The following CCDC88C variants were observed in gnomAD, a reference collection of about 807,000 sequenced individuals.
CCDC88C encodes the protein coiled-coil and HOOK domain protein 88C, also known as protein Daple.
CCDC88C carries 131 observed loss-of-function variants against 198.8 expected under a neutral mutation model. The observed-to-expected ratio is 0.66, with a 90% confidence interval of 0.57 to 0.76. The LOEUF (loss-of-function observed/expected upper bound fraction) is 0.76, where lower values mean the gene tolerates loss of function less well. Among genes scored for constraint, CCDC88C ranks in the 30% least tolerant of loss-of-function variants. CCDC88C has a pLI of 0.00. For missense variants in CCDC88C, 2,553 were observed against 2,631.6 expected (o/e 0.97, Z 0.65); for synonymous variants, 1,166 against 1,114.7 (o/e 1.05, Z -0.92).
chr14:91,389,480 G>A (rs577149341), intron 3 of CCDC88C, among the ~76,000 whole-genome samples: 1 of 152,282 alleles, frequency 6.6e-6, no homozygotes, highest in Admixed American at 6.5e-5. Context: ...CTTCTAAAAA[G>A]CTTTGCTATC....
chr14:91,308,177 T>C (rs1891642679), intron 17 of CCDC88C, among the ~76,000 whole-genome samples, 174 bp downstream of exon 17: 1 of 152,152 alleles, frequency 6.6e-6, no homozygotes, highest in East Asian at 1.9e-4. Flanking sequence ...CTGGTTCTGT[T>C]TGGCCCTAGT....
rs762314154 is a variant in CCDC88C at position 91,284,543 on chromosome 14, G to C, written c.4442-1026C>G. On this transcript the variant is annotated intron_variant, in intron 25 of 29. Transcript: ENST00000389857. The surrounding 1 kb of genome is among the most constrained non-coding windows in gnomAD (Gnocchi z 4.1). ...ATCCACAGGGGAGGCAGAGATGAGTGAACAGTTAGCATGAGCAGCGAACAG... is the reference window on the plus strand; with the variant it reads ...ATCCACAGGGGAGGCAGAGATGAGTCAACAGTTAGCATGAGCAGCGAACAG... Among the ~76,000 whole-genome samples, 4 of 152,192 alleles carry C rather than the reference G, an allele frequency of 2.6e-5. No homozygotes were observed. The highest frequency in any genetic ancestry group is 4.4e-5 in the Non-Finnish European group (3 of 68,044).
At chr14:91,366,583 A>C (rs1172727653) in intron 3 of CCDC88C, among the ~76,000 whole-genome samples, 2 of 152,246 alleles carry the variant, frequency 1.3e-5, no homozygotes, top group African/African-American at 4.8e-5. Context: ...CCTCTGAGAC[A>C]ATTCACCAAC....
chr14:91,313,958 A>C lies in CCDC88C; in HGVS notation c.1858T>G (p.Leu620Val). 1 of 1,613,244 alleles carries C rather than the reference A, an allele frequency of 6.2e-7. No homozygotes were observed. Among genetic ancestry groups the C allele is most frequent in the Non-Finnish European group, 8.5e-7 (1 of 1,179,754 alleles). Residue 620 changes from leucine to valine, a missense_variant, in exon 15 of 30, where the codon TTG becomes GTG. Leu to Val is a conservative substitution (Grantham distance 32). This residue lies in a region of CCDC88C where 1,260 missense variants were observed against 1,412.0 expected (regional missense o/e 0.89). Coordinates refer to ENST00000389857, the MANE Select transcript of CCDC88C (RefSeq NM_001080414.4). This position sits in a 1 kb window ranked among gnomAD's most constrained non-coding sequence, Gnocchi z 5.2. The stretch of plus-strand genomic sequence containing the variant: ...TCCCCCTTCTCCTTGGCCTGCTCCA[A>C]GTCCCTGTGCAGCTGCCGCTTCTCA... ...EFEKRQLHRD[L>V]EQAKEKGERA... is the part of the protein sequence containing the mutation.
intron 29 of CCDC88C, among the ~76,000 whole-genome samples, chr14:91,275,839 T>TTG (rs1889936861): frequency 7.6e-6 from 1 of 131,648 alleles, no homozygotes; most frequent in Non-Finnish European, 1.6e-5. Flanking sequence ...TTTTTTTTTT[T>TTG]GAGACGGAGT....
chr14:91,376,942 G>A (rs1273876690), intron 3 of CCDC88C, among the ~76,000 whole-genome samples: 2 of 152,302 alleles, frequency 1.3e-5, no homozygotes, highest in African/African-American at 2.4e-5. Flanking sequence ...GAACTGCTCC[G>A]GGTGGGCAGA....
At chr14:91,281,281 T>G (rs1890185741) in intron 27 of CCDC88C, 176 bp downstream of exon 27, 1 of 1,492,092 alleles carries the variant, frequency 6.7e-7, no homozygotes, top group Admixed American at 2.0e-5. Context: ...ACTGGAGGTA[T>G]GTAAGTAGAA....
At position 91,324,807 on chromosome 14, in the gene CCDC88C, C is replaced by T. The variant is rs769341035; in HGVS notation, c.1314G>A (p.Gln438=). The change falls in exon 12 of 30, where the codon CAG becomes CAA. Residue 438 remains glutamine, a synonymous_variant. Transcript: ENST00000389857. ...ESAHLGWELE[Q]LSKNADLSDA... ...CTGACAAGTCTGCGTTCTTGGACAGCTGCTCCAGCTCCCAGCCAAGGTGGG... is the reference window on the plus strand; with the variant it reads ...CTGACAAGTCTGCGTTCTTGGACAGTTGCTCCAGCTCCCAGCCAAGGTGGG... 1 of 1,612,788 alleles carries T rather than the reference C, an allele frequency of 6.2e-7. No individual in the cohort carries two copies. Among genetic ancestry groups the T allele is most frequent in the Non-Finnish European group, 8.5e-7 (1 of 1,179,896 alleles).
chr14:91,366,739 G>C (rs1236002206), intron 3 of CCDC88C, among the ~76,000 whole-genome samples: 1 of 152,232 alleles, frequency 6.6e-6, no homozygotes, highest in Non-Finnish European at 1.5e-5. Context: ...CAAGGGGTCT[G>C]TAACCAGTGA....
intron 13 of CCDC88C, among the ~76,000 whole-genome samples, chr14:91,317,438 G>A (rs1436263076): frequency 6.6e-6 from 1 of 152,236 alleles, no homozygotes; most frequent in Non-Finnish European, 1.5e-5. Context: ...GCTGGCTGAG[G>A]GTTGCCAGGC....
chr14:91,348,684 T>C (rs1234321355), intron 4 of CCDC88C, among the ~76,000 whole-genome samples: 1 of 152,194 alleles, frequency 6.6e-6, no homozygotes, highest in Non-Finnish European at 1.5e-5. Context: ...AGAGTATGGA[T>C]TCCTGTTTGC....
At chr14:91,395,851 T>C (rs1354883317) in intron 3 of CCDC88C, among the ~76,000 whole-genome samples, 3 of 152,002 alleles carry the variant, frequency 2.0e-5, no homozygotes, top group South Asian at 2.1e-4. Context: ...CCCAAACCAA[T>C]AGAACCCTCC....
Position 91,325,987 on chromosome 14 carries a change from G to T in CCDC88C, c.1120C>A (p.Arg374=). 6.3e-7 allele frequency: 1 copy of T among 1,596,454 alleles called. No homozygotes were observed. Among genetic ancestry groups the T allele is most frequent in the African/African-American group, 1.3e-5 (1 of 74,722 alleles). Residue 374 remains arginine, a synonymous_variant, in exon 11 of 30, where the codon CGG becomes AGG. Transcript: ENST00000389857. The surrounding 1 kb of genome is among the most constrained non-coding windows in gnomAD (Gnocchi z 4.1). ...TCATGGACTTTATCGCCCCGGGCCC[G>T]AGCAGCAGTCAGCTGTTCCTCCAGC... ...AMLEEQLTAA[R]ARGDKVHELE...
chr14:91,317,828 A>G (rs1892169915), intron 13 of CCDC88C, among the ~76,000 whole-genome samples: 1 of 152,302 alleles, frequency 6.6e-6, no homozygotes, highest in African/African-American at 2.4e-5. Flanking sequence ...GATCAGCATA[A>G]GGAGTTGTGG....
intron 3 of CCDC88C, among the ~76,000 whole-genome samples, chr14:91,382,461 A>G (rs1401546080): frequency 6.6e-6 from 1 of 152,212 alleles, no homozygotes; most frequent in African/African-American, 2.4e-5. Context: ...TTTGTCAGGA[A>G]TAACAGACCC....
chr14:91,351,722 G>T (rs1893809068), intron 4 of CCDC88C, among the ~76,000 whole-genome samples: 1 of 152,164 alleles, frequency 6.6e-6, no homozygotes, highest in African/African-American at 2.4e-5. Context: ...GAATGGTGCA[G>T]GAGCCTCCCG....
intron 13 of CCDC88C, among the ~76,000 whole-genome samples, chr14:91,318,293 G>A (rs1892195203): frequency 2.0e-5 from 3 of 152,040 alleles, no homozygotes; most frequent in African/African-American, 4.8e-5. Flanking sequence ...GTACGTGCCT[G>A]TGGTCCCAGC....
chr14:91,329,624 C>T (rs1892728472), intron 10 of CCDC88C, among the ~76,000 whole-genome samples: 1 of 152,266 alleles, frequency 6.6e-6, no homozygotes, highest in African/African-American at 2.4e-5. Context: ...GGCAGACAGT[C>T]ATTCCCATCC....
intron 14 of CCDC88C, among the ~76,000 whole-genome samples, chr14:91,315,330 G>C (rs1892045364): frequency 6.6e-6 from 1 of 152,074 alleles, no homozygotes. Context: ...GAGTGTTCCT[G>C]ACCTGCGCAC....
Sources: allele counts gnomAD v4.1 joint callset (sites outside exome capture counted in the v4.1 genomes callset), GRCh38; gene constraint gnomAD v4.1.1; regional missense constraint gnomAD v4.1.1; non-coding constraint Gnocchi (gnomAD v3.1); transcripts MANE v1.5; gene names NCBI Gene and HGNC (gene_info 2026-07-23, HGNC 2026-07-21).